The following BLZF1 variants were observed in gnomAD, a reference collection of about 807,000 sequenced individuals.
BLZF1 encodes the protein golgin-45.
BLZF1 carries 39 observed loss-of-function variants against 43.8 expected under a neutral mutation model. The observed-to-expected ratio is 0.89, with a 90% CI of 0.69 to 1.16. The LOEUF (loss-of-function observed/expected upper bound fraction) is 1.16. Among genes scored for constraint, BLZF1 ranks in the 50% most tolerant of loss-of-function variants. The pLI is 0.00. For synonymous variants in BLZF1, 136 were observed against 159.4 expected (o/e 0.85, Z 1.11); for missense variants, 449 against 469.8 (o/e 0.96, Z 0.41).
At chr1:169,394,463 A>C (rs985813181) in intron 7 of BLZF1, among the ~76,000 whole-genome samples, 1 of 151,896 alleles carries the variant, frequency 6.6e-6, no homozygotes, top group African/African-American at 2.4e-5. Flanking sequence ...TAGTTTTTCA[A>C]CCCTTGCTCC....
downstream of BLZF1, among the ~76,000 whole-genome samples, chr1:169,392,681 G>A (rs918972965): frequency 2.1e-4 from 32 of 152,162 alleles, no homozygotes; most frequent in Non-Finnish European, 3.7e-4. Context: ...ATGGGGGGAA[G>A]TTGCCAGGAG....
chr1:169,376,099 TTA>T (rs796091577), intron 2 of BLZF1, among the ~76,000 whole-genome samples: 2 of 152,232 alleles, frequency 1.3e-5, no homozygotes, highest in African/African-American at 4.8e-5. Flanking sequence ...GATGAATCTC[TTA>T]TGATGTAGAT....
chr1:169,371,156 C>T (rs1257064195), intron 2 of BLZF1, among the ~76,000 whole-genome samples: 1 of 152,072 alleles, frequency 6.6e-6, no homozygotes, highest in African/African-American at 2.4e-5. Flanking sequence ...CATAAGTCAC[C>T]AGAAGGCTTT....
intron 6 of BLZF1, among the ~76,000 whole-genome samples, chr1:169,384,340 C>T (rs1002029647): frequency 1.3e-5 from 2 of 152,106 alleles, no homozygotes; most frequent in Admixed American, 1.3e-4. Flanking sequence ...AAACACCTGA[C>T]TTCCAGCCTA....
Position 169,382,051 on chromosome 1 carries a change from G to A in BLZF1, c.798-11G>A, listed in dbSNP as rs751389885. The A allele has an allele frequency of 1.1e-5, 17 of 1,608,908 alleles. No homozygotes were observed. In the East Asian group the frequency reaches 3.6e-4, roughly 34 times the overall value. On this transcript the variant is annotated splice_polypyrimidine_tract_variant and intron_variant, in intron 5 of 6. Coordinates refer to ENST00000367808, the MANE Select transcript of BLZF1 (RefSeq NM_001320973.2). ...CTTACTATGTCCGGTGTTCATGTGT[G>A]TTCTATGCAGATTATTGGAGGAGCT...
chr1:169,395,142 G>A (rs143480947), intron 7 of BLZF1: 1 of 1,613,612 alleles, frequency 6.2e-7, no homozygotes, highest in African/African-American at 1.3e-5. Flanking sequence ...AGTCGGAGCT[G>A]TCTAGTTCTC....
At chr1:169,379,259 G>A (rs1030367884) in intron 4 of BLZF1, among the ~76,000 whole-genome samples, 2 of 151,938 alleles carry the variant, frequency 1.3e-5, no homozygotes, top group Non-Finnish European at 2.9e-5. Flanking sequence ...ACAACCAAAG[G>A]TTTACAGGTT....
chr1:169,374,202 C>CA (rs765850246), intron 2 of BLZF1, among the ~76,000 whole-genome samples: 4,463 of 73,124 alleles, frequency 0.061, 162 homozygotes, highest in African/African-American at 0.18. Flanking sequence ...CCTGTCTCTA[C>CA]AAAAAAAAAA....
chr1:169,380,575 G>A lies in BLZF1; in HGVS notation c.763G>A (p.Glu255Lys). 6.2e-7 allele frequency: 1 copy of A among 1,612,766 alleles called. No homozygotes were observed. The highest frequency in any genetic ancestry group is 8.5e-7 in the Non-Finnish European group (1 of 1,179,032). ...GAIQDLLSEREQFRQEMIATQ... is the reference protein window; with the variant it reads ...GAIQDLLSERKQFRQEMIATQ... ...TATACAAGATCTCCTAAGTGAACGG[G>A]AACAGTTTCGTCAAGAAATGATAGC... The change falls in exon 5 of 7, where the codon GAA becomes AAA. Residue 255 changes from glutamate (E) to lysine (K), a missense_variant. Coordinates refer to ENST00000367808, the MANE Select transcript of BLZF1 (RefSeq NM_001320973.2).
At chr1:169,393,409 G>A (rs1299296706) in intron 7 of BLZF1, among the ~76,000 whole-genome samples, 5 of 151,366 alleles carry the variant, frequency 3.3e-5, no homozygotes, top group East Asian at 2.0e-4. Flanking sequence ...CCAACATGGC[G>A]AAACCCCGTC....
At position 169,382,250 on chromosome 1, in the gene BLZF1, G is replaced by A; in HGVS notation, c.986G>A (p.Cys329Tyr). 6.2e-7 allele frequency: 1 copy of A among 1,613,688 alleles called. No individual in the cohort carries two copies. Among genetic ancestry groups the A allele is most frequent in the Non-Finnish European group, 8.5e-7 (1 of 1,179,680 alleles). Residue 329 changes from cysteine (C) to tyrosine (Y), a missense_variant, in exon 6 of 7, where the codon TGC becomes TAC. Physicochemically the swap from Cys to Tyr is radical, Grantham distance 194 (BLOSUM62 -2). Transcript: ENST00000367808. ...AAGATTCCATCAACAGTTGAATTCT[G>A]CAGCACCCCAGCTGAGAAAATGGCT... ...QKKIPSTVEFCSTPAEKMAET... is the reference protein window; with the variant it reads ...QKKIPSTVEFYSTPAEKMAET...
At chr1:169,375,265 A>G (rs901156319) in intron 2 of BLZF1, among the ~76,000 whole-genome samples, 3 of 150,484 alleles carry the variant, frequency 2.0e-5, no homozygotes, top group African/African-American at 7.3e-5. Flanking sequence ...GAAATTTATT[A>G]CTGTTACAAG....
chr1:169,376,019 A>G (rs1654329222), intron 2 of BLZF1, among the ~76,000 whole-genome samples: 1 of 152,060 alleles, frequency 6.6e-6, no homozygotes, highest in Admixed American at 6.6e-5. Context: ...ATAGGATTGA[A>G]TCTTTTCTTA....
intron 3 of BLZF1, chr1:169,377,217 C>A: frequency 2.1e-6 from 1 of 479,152 alleles, no homozygotes. Context: ...TTGGACAAGA[C>A]CACCAATAAG....
chr1:169,388,805 C>T (rs898256770), downstream of BLZF1, among the ~76,000 whole-genome samples: 35 of 151,776 alleles, frequency 2.3e-4, no homozygotes, highest in African/African-American at 8.0e-4. Flanking sequence ...GCCAAGATGG[C>T]GAAACCCCAT....
Position 169,387,269 on chromosome 1 carries a change from G to C in BLZF1, c.*87G>C. On this transcript the variant is annotated 3_prime_UTR_variant, in exon 7 of 7. Coordinates refer to ENST00000367808, the MANE Select transcript of BLZF1 (RefSeq NM_001320973.2). ...GGGAGCTGGGGTTCTTACAATGCTAGAAATAATATCACTTCCTATTTACAT... is the reference window on the plus strand; with the variant it reads ...GGGAGCTGGGGTTCTTACAATGCTACAAATAATATCACTTCCTATTTACAT... 3 of 1,194,898 alleles carry C rather than the reference G, an allele frequency of 2.5e-6. No homozygotes were observed. The South Asian group carries it at 4.2e-5, about 17-fold the overall frequency. The allele number at this position is 1,194,898 out of a possible 1,614,324, so 74.0% of individuals were successfully genotyped here. A position where few individuals can be genotyped will look rare whatever the true frequency, so the allele number is the denominator to read the frequency against.
downstream of BLZF1, among the ~76,000 whole-genome samples, chr1:169,390,285 A>G (rs1654786457): frequency 6.6e-6 from 1 of 152,090 alleles, no homozygotes; most frequent in African/African-American, 2.4e-5. Flanking sequence ...TAACACCTTA[A>G]GGAAATAAAA....
At chr1:169,395,666 A>G (rs2102031032) in intron 7 of BLZF1, among the ~76,000 whole-genome samples, 1 of 152,320 alleles carries the variant, frequency 6.6e-6, no homozygotes, top group South Asian at 2.1e-4. Flanking sequence ...TAAGTCCACA[A>G]AATAGTTCTT....
In BLZF1 at chr1:169,376,816, T is replaced by C; in HGVS notation, c.305T>C (p.Leu102Pro). 1 of 1,613,440 alleles carries C rather than the reference T, an allele frequency of 6.2e-7. No individual in the cohort carries two copies. Among genetic ancestry groups the C allele is most frequent in the Non-Finnish European group, 8.5e-7 (1 of 1,179,584 alleles). ...IPNKNTKVKSLGHHKGEFLGQ... is the reference protein window; with the variant it reads ...IPNKNTKVKSPGHHKGEFLGQ... ...AACAAAAATACAAAGGTTAAGTCTCTGGGACATCATAAAGGAGAATTCCTT... is the reference window on the plus strand; with the variant it reads ...AACAAAAATACAAAGGTTAAGTCTCCGGGACATCATAAAGGAGAATTCCTT... The change falls in exon 3 of 7, where the codon CTG becomes CCG. Residue 102 changes from leucine to proline, a missense_variant. By Grantham distance (98) the Leu-to-Pro change is moderately conservative. Coordinates refer to ENST00000367808, the MANE Select transcript of BLZF1 (RefSeq NM_001320973.2).
Sources: gnomAD v4.1 joint callset for allele counts (sites outside exome capture counted in the v4.1 genomes callset) on GRCh38, gnomAD v4.1.1 for gene constraint, MANE v1.5 for transcripts, NCBI Gene and HGNC (gene_info 2026-07-23, HGNC 2026-07-21) for gene names.